Variants in AUTS2 observed in about 807,000 individuals in gnomAD.
AUTS2 encodes the protein activator of transcription and developmental regulator AUTS2.
In AUTS2, 17 loss-of-function variants were observed where a neutral mutation model predicts 112.4. The ratio of observed to expected loss-of-function variants is 0.15; its 90% CI spans 0.10 to 0.23. AUTS2 has a LOEUF of 0.23. Among genes scored for constraint, AUTS2 ranks in the 10% least tolerant of loss-of-function variants. AUTS2 has a pLI of 1.00. For synonymous variants in AUTS2, 751 were observed against 702.7 expected, an observed-to-expected ratio of 1.07 and a Z score of -1.09; for missense variants, 1,510 against 1,701.6, an observed-to-expected ratio of 0.89 and a Z score of 1.98.
chr7:70,751,382 T>A (rs1009450530), intron 6 of AUTS2, among the ~76,000 whole-genome samples: 3 of 152,230 alleles, frequency 2.0e-5, no homozygotes, highest in Non-Finnish European at 1.5e-5. Context: ...TTATTCAACT[T>A]AATGTGAAAA....
chr7:70,265,294 C>T (rs764853247), intron 4 of AUTS2, among the ~76,000 whole-genome samples: 3 of 152,026 alleles, frequency 2.0e-5, no homozygotes, highest in Admixed American at 6.6e-5. Flanking sequence ...AGGCTGTCCC[C>T]GTTGTAAATC....
At position 70,248,145 on chromosome 7, in the gene AUTS2, C is replaced by T. The variant is rs145688260; in HGVS notation, c.660+113574C>T. ...TGACATTTTACTTAGGATTTTTCAT[C>T]CAAGTTCATGAGTCCAGTTGTCTTG... On this transcript the variant is annotated intron_variant, in intron 4 of 18. Coordinates refer to ENST00000342771, the MANE Select transcript of AUTS2 (RefSeq NM_015570.4). Among the ~76,000 whole-genome samples, 23 of 152,238 alleles carry T rather than the reference C, an allele frequency of 1.5e-4. No homozygotes were observed. The East Asian group carries it at 4.0e-3, about 27-fold the overall frequency.
chr7:70,359,241 C>A (rs1334264870), intron 4 of AUTS2, among the ~76,000 whole-genome samples: 1 of 152,148 alleles, frequency 6.6e-6, no homozygotes, highest in Admixed American at 6.5e-5. Context: ...TTTAAATACA[C>A]CTTTGTTAAA....
At chr7:70,616,172 AAGTGGAG>A (rs1218876353) in intron 5 of AUTS2, among the ~76,000 whole-genome samples, 1 of 152,214 alleles carries the variant, frequency 6.6e-6, no homozygotes, top group Non-Finnish European at 1.5e-5. Context: ...GTTCACTGAG[AAGTGGAG>A]GGAACAAGAG....
At chr7:70,523,697 A>C (rs1799732107) in intron 5 of AUTS2, among the ~76,000 whole-genome samples, 1 of 152,196 alleles carries the variant, frequency 6.6e-6, no homozygotes, top group Non-Finnish European at 1.5e-5. Flanking sequence ...TTAGGGGTAG[A>C]TTCAGAAGGT....
Position 69,978,814 on chromosome 7 carries a change from C to G in AUTS2, c.522+79316C>G, listed in dbSNP as rs1318714249. Among the ~76,000 whole-genome samples, 3 of 150,482 alleles carry G rather than the reference C, an allele frequency of 2.0e-5. No homozygotes were observed. In the Admixed American group the frequency reaches 2.0e-4, roughly 10 times the overall value. On this transcript the variant is annotated intron_variant, in intron 2 of 18. Coordinates refer to ENST00000342771, the MANE Select transcript of AUTS2 (RefSeq NM_015570.4). ...TGAGCCATGATTGCACCTCTGTATT[C>G]CAGCCTGGACGGACAGGGCAAGACC...
Position 70,790,299 on chromosome 7 carries a change from T to C in AUTS2, c.3083T>C (p.Val1028Ala). ...GCCTCGATGCCCATGACGGTGGGGG[T>C]GACGGGCATTCACCCCATGAACAGC... ...PLASMPMTVG[V>A]TGIHPMNSIS... Residue 1028 changes from valine (V) to alanine (A), a missense_variant, in exon 19 of 19, where the codon GTG (valine) becomes GCG (alanine). Physicochemically the swap from Val to Ala is moderately conservative, Grantham distance 64. This residue lies in a region of AUTS2 where 788 missense variants were observed against 797.6 expected (regional missense o/e 0.99). Coordinates refer to ENST00000342771, the MANE Select transcript of AUTS2 (RefSeq NM_015570.4). This position sits in a 1 kb window ranked among gnomAD's most constrained non-coding sequence, Gnocchi z 7.6. The C allele has an allele frequency of 1.2e-6, 2 of 1,613,336 alleles. No homozygotes were observed. Among genetic ancestry groups the C allele is most frequent in the Non-Finnish European group, 1.7e-6 (2 of 1,179,966 alleles).
intron 4 of AUTS2, among the ~76,000 whole-genome samples, chr7:70,305,177 A>C (rs138038458): frequency 4.3e-4 from 65 of 152,284 alleles, no homozygotes; most frequent in African/African-American, 1.5e-3. Context: ...CATTATTATG[A>C]ATAATGGTGT....
intron 3 of AUTS2, among the ~76,000 whole-genome samples, chr7:70,120,816 C>T (rs1805642762): frequency 6.6e-6 from 1 of 152,122 alleles, no homozygotes; most frequent in Admixed American, 6.5e-5. Context: ...ATCATAATTC[C>T]AACAATCTTT....
intron 4 of AUTS2, among the ~76,000 whole-genome samples, chr7:70,432,517 G>T (rs1276140983): frequency 6.6e-6 from 1 of 152,112 alleles, no homozygotes; most frequent in Non-Finnish European, 1.5e-5. Context: ...CATAAAGCAG[G>T]CCCATAAACC....
intron 4 of AUTS2, among the ~76,000 whole-genome samples, chr7:70,318,255 C>A (rs1471671987): frequency 6.6e-6 from 1 of 151,720 alleles, no homozygotes; most frequent in African/African-American, 2.4e-5. Context: ...GAGTGTAGGA[C>A]AGAAATGGAT....
chr7:69,930,205 C>A (rs1003548062), intron 2 of AUTS2, among the ~76,000 whole-genome samples: 8 of 152,144 alleles, frequency 5.3e-5, no homozygotes, highest in Admixed American at 2.6e-4. Context: ...CTCTATAATT[C>A]TTTTGGGTGT....
chr7:69,670,316 T>G (rs1397883662), intron 1 of AUTS2, among the ~76,000 whole-genome samples: 1 of 152,172 alleles, frequency 6.6e-6, no homozygotes, highest in Admixed American at 6.5e-5. Flanking sequence ...TACTTGGGCC[T>G]TTGAAGATCC....
At chr7:70,181,370 A>G (rs1205189801) in intron 4 of AUTS2, among the ~76,000 whole-genome samples, 1 of 152,208 alleles carries the variant, frequency 6.6e-6, no homozygotes, top group Admixed American at 6.5e-5. Context: ...TCTTGAAGCC[A>G]TATGCTTTAG....
rs539020739 is a variant in AUTS2 at position 70,699,715 on chromosome 7, T to G, written c.742+1095T>G. ...TATTGCATAATGGAGTATTCCAGTT[T>G]TATATTTCATCATATTTTCTGATGG... On this transcript the variant is annotated intron_variant, in intron 6 of 18. Coordinates refer to ENST00000342771, the MANE Select transcript of AUTS2 (RefSeq NM_015570.4). 2.0e-5 allele frequency among the ~76,000 whole-genome samples: 3 copies of G among 152,346 alleles called. No individual in the cohort carries two copies. The South Asian group carries it at 6.2e-4, about 32-fold the overall frequency.
intron 2 of AUTS2, among the ~76,000 whole-genome samples, chr7:70,068,479 C>T (rs751542941): frequency 8.6e-5 from 13 of 151,940 alleles, no homozygotes; most frequent in African/African-American, 1.5e-4. Context: ...CCACTGTGCC[C>T]GGCCATAAGT....
At chr7:70,496,171 A>G (rs1317499279) in intron 5 of AUTS2, among the ~76,000 whole-genome samples, 4 of 71,182 alleles carry the variant, frequency 5.6e-5, no homozygotes, top group Non-Finnish European at 8.9e-5. Context: ...GTACACAGTC[A>G]CACACACACA....
intron 1 of AUTS2, among the ~76,000 whole-genome samples, chr7:69,711,957 G>T (rs1013288856): frequency 6.6e-6 from 1 of 152,240 alleles, no homozygotes; most frequent in South Asian, 2.1e-4. Flanking sequence ...AAACAACCAA[G>T]AATAAACACA....
At chr7:69,864,895 G>GA (rs1043067374) in intron 1 of AUTS2, among the ~76,000 whole-genome samples, 1 of 152,018 alleles carries the variant, frequency 6.6e-6, no homozygotes, top group Non-Finnish European at 1.5e-5. Flanking sequence ...GTGAGAAAGG[G>GA]AAAAAATGTG....
Sources: allele counts gnomAD v4.1 joint callset (sites outside exome capture counted in the v4.1 genomes callset), GRCh38; gene constraint gnomAD v4.1.1; regional missense constraint gnomAD v4.1.1; non-coding constraint Gnocchi (gnomAD v3.1); transcripts MANE v1.5; gene names NCBI Gene and HGNC (gene_info 2026-07-23, HGNC 2026-07-21).